ADTRP: variants seen among roughly 807,000 people sequenced by gnomAD.
ADTRP encodes androgen-dependent TFPI-regulating protein.
In ADTRP, 20 loss-of-function variants were observed where a neutral mutation model predicts 27.0. That is an observed-to-expected ratio of 0.74 (90% confidence interval 0.52 to 1.08). ADTRP has a LOEUF of 1.08. Among genes scored for constraint, ADTRP ranks in the 50% least tolerant of loss-of-function variants. The pLI is 0.00. For synonymous variants in ADTRP, 101 were observed against 105.2 expected (o/e 0.96, Z 0.25); for missense variants, 251 against 275.0 (o/e 0.91, Z 0.62).
intron 5 of ADTRP, among the ~76,000 whole-genome samples, chr6:11,719,102 C>T (rs1761925867): frequency 1.3e-5 from 2 of 152,204 alleles, no homozygotes; most frequent in African/African-American, 4.8e-5. Flanking sequence ...CCTTCTCAGT[C>T]CAGCAGCCCA....
chr6:11,763,849 C>G (rs750320345), intron 3 of ADTRP, among the ~76,000 whole-genome samples: 1 of 152,204 alleles, frequency 6.6e-6, no homozygotes, highest in African/African-American at 2.4e-5. Flanking sequence ...TTGGAGCAGA[C>G]ACCAAAAGAA....
chr6:11,762,391 T>A (rs1186988316), intron 3 of ADTRP, among the ~76,000 whole-genome samples: 2 of 152,234 alleles, frequency 1.3e-5, no homozygotes, highest in Non-Finnish European at 2.9e-5. Flanking sequence ...GATTTAAGAT[T>A]GCTAGATGTC....
intron 5 of ADTRP, chr6:11,717,433 AAT>A (rs1366929623): frequency 3.1e-6 from 4 of 1,303,614 alleles, no homozygotes; most frequent in Non-Finnish European, 4.0e-6. Context: ...ATGGCCAAGA[AAT>A]TATTGTTTCA....
chr6:11,768,573 C>T (rs1240397433), intron 1 of ADTRP, among the ~76,000 whole-genome samples, 190 bp from the exon 2 acceptor site: 1 of 152,110 alleles, frequency 6.6e-6, no homozygotes, highest in Non-Finnish European at 1.5e-5. Flanking sequence ...CTCGCTAAGA[C>T]TGATTGAGCA....
chr6:11,737,325 G>A (rs964119585), intron 3 of ADTRP, among the ~76,000 whole-genome samples: 2 of 151,936 alleles, frequency 1.3e-5, no homozygotes, highest in South Asian at 2.1e-4. Flanking sequence ...GCAAGCTCCC[G>A]CCCCATCTTG....
In ADTRP at chr6:11,746,050, G is replaced by A. The variant is rs191496113; in HGVS notation, c.391-10367C>T. Among the ~76,000 whole-genome samples the A allele has an allele frequency of 1.5e-3, 226 of 152,190 alleles. 1 individual carries two copies. Among genetic ancestry groups the A allele is most frequent in the African/African-American group, 5.2e-3 (216 of 41,532 alleles). On this transcript the variant is annotated intron_variant, in intron 3 of 5. Transcript: ENST00000414691. ...AAGTGATCTGCCTGCCTTGGCCTCC[G>A]AAAGTGCTGGGATTTAGGCATGAGC... is the stretch of plus-strand genomic sequence containing the variant.
chr6:11,746,238 T>TCCC (rs1762862209), intron 3 of ADTRP, among the ~76,000 whole-genome samples: 2 of 151,930 alleles, frequency 1.3e-5, no homozygotes, highest in Non-Finnish European at 2.9e-5. Flanking sequence ...GAGACAGAGG[T>TCCC]TTGGGAGCCA....
intron 3 of ADTRP, among the ~76,000 whole-genome samples, chr6:11,763,519 C>T (rs902447202): frequency 2.0e-5 from 3 of 152,256 alleles, no homozygotes; most frequent in Admixed American, 1.3e-4. Context: ...CAGGGCCAGC[C>T]CCATGCAGAG....
chr6:11,732,876 G>T (rs1762431626), intron 4 of ADTRP, among the ~76,000 whole-genome samples: 1 of 152,212 alleles, frequency 6.6e-6, no homozygotes, highest in Non-Finnish European at 1.5e-5. Context: ...CTTTGTGCAT[G>T]CCCATCCATC....
chr6:11,733,530 T>G (rs1238379345), intron 4 of ADTRP, among the ~76,000 whole-genome samples: 2 of 152,226 alleles, frequency 1.3e-5, no homozygotes, highest in Non-Finnish European at 2.9e-5. Flanking sequence ...TGCTTCCCTT[T>G]AAGAAGCCAG....
intron 5 of ADTRP, among the ~76,000 whole-genome samples, chr6:11,717,844 G>A (rs1331694727): frequency 6.6e-6 from 1 of 152,240 alleles, no homozygotes; most frequent in East Asian, 1.9e-4. Context: ...GTTAGGACAA[G>A]AAAGGCAAAA....
chr6:11,717,574 G>T (rs1186622780), intron 5 of ADTRP, among the ~76,000 whole-genome samples: 1 of 152,188 alleles, frequency 6.6e-6, no homozygotes, highest in African/African-American at 2.4e-5. Context: ...AAAAATGAAT[G>T]CCAGGCATTG....
intron 3 of ADTRP, among the ~76,000 whole-genome samples, chr6:11,749,229 T>C (rs1254311020): frequency 6.6e-6 from 1 of 152,034 alleles, no homozygotes; most frequent in East Asian, 1.9e-4. Flanking sequence ...TCTTGGGCAA[T>C]TGGGAGGATG....
chr6:11,729,155 G>A (rs554060108), intron 4 of ADTRP, among the ~76,000 whole-genome samples: 38 of 152,252 alleles, frequency 2.5e-4, no homozygotes, highest in African/African-American at 5.5e-4. Context: ...AACAGATAAC[G>A]GAGTTTTGTG....
intron 3 of ADTRP, among the ~76,000 whole-genome samples, chr6:11,739,079 A>ATGTTCT (rs1406696738): frequency 6.6e-6 from 1 of 152,224 alleles, no homozygotes; most frequent in Non-Finnish European, 1.5e-5. Flanking sequence ...TAAGAGAAAA[A>ATGTTCT]TAAAATATGT....
At chr6:11,751,521 A>C (rs1485233744) in intron 3 of ADTRP, among the ~76,000 whole-genome samples, 1 of 151,954 alleles carries the variant, frequency 6.6e-6, no homozygotes, top group Non-Finnish European at 1.5e-5. Flanking sequence ...CTCACCCCCC[A>C]ACACTCCAAC....
At chr6:11,765,549 C>T (rs893149658) in intron 3 of ADTRP, among the ~76,000 whole-genome samples, 6 of 151,966 alleles carry the variant, frequency 3.9e-5, no homozygotes, top group Non-Finnish European at 7.4e-5. Context: ...TTTTTATAAT[C>T]TCCTGGTTGA....
intron 3 of ADTRP, among the ~76,000 whole-genome samples, chr6:11,750,327 C>T (rs986827913): frequency 6.6e-6 from 1 of 152,224 alleles, no homozygotes; most frequent in Non-Finnish European, 1.5e-5. Context: ...TTTCACCTCT[C>T]CCCTCCTGAG....
At chr6:11,756,281 T>C (rs775287753) in intron 3 of ADTRP, among the ~76,000 whole-genome samples, 26 of 151,810 alleles carry the variant, frequency 1.7e-4, no homozygotes, top group Non-Finnish European at 2.4e-4. Flanking sequence ...CTGCAGTGAG[T>C]GGAGATCATG....
Sources: allele counts gnomAD v4.1 joint callset (sites outside exome capture counted in the v4.1 genomes callset), GRCh38; gene constraint gnomAD v4.1.1; transcripts MANE v1.5; gene names NCBI Gene and HGNC (gene_info 2026-07-23, HGNC 2026-07-21).